Variants in EYA4 observed in about 807,000 individuals in gnomAD.
EYA4 encodes the protein EYA transcriptional coactivator and phosphatase 4.
In EYA4, 31 loss-of-function variants were observed where a neutral mutation model predicts 87.9. That is an observed-to-expected ratio of 0.35 (90% confidence interval 0.27 to 0.48). The LOEUF is 0.48. EYA4 is among the 20% of genes least tolerant of loss of function. The pLI is 0.99. For synonymous variants in EYA4, 263 were observed against 270.6 expected, an observed-to-expected ratio of 0.97 and a Z score of 0.28; for missense variants, 678 against 761.4, an observed-to-expected ratio of 0.89 and a Z score of 1.29.
chr6:133,475,672 C>T (rs1795658354), intron 11 of EYA4, among the ~76,000 whole-genome samples: 1 of 152,076 alleles, frequency 6.6e-6, no homozygotes, highest in Non-Finnish European at 1.5e-5. Flanking sequence ...TTTACATTTT[C>T]CCTACCTGTG....
At chr6:133,519,373 G>A (rs965352884) in intron 17 of EYA4, among the ~76,000 whole-genome samples, 13 of 151,848 alleles carry the variant, frequency 8.6e-5, no homozygotes, top group Admixed American at 2.6e-4. Flanking sequence ...ACACCTCTAC[G>A]CAAATAAACT....
intron 2 of EYA4, chr6:133,363,248 G>C (rs568013630): frequency 1.3e-5 from 2 of 152,238 alleles, no homozygotes. Flanking sequence ...AGGAAGAGTT[G>C]CAAGTACAGA....
intron 3 of EYA4, among the ~76,000 whole-genome samples, chr6:133,420,204 C>A (rs567048339): frequency 6.3e-4 from 95 of 150,640 alleles, no homozygotes; most frequent in African/African-American, 2.2e-3. Flanking sequence ...AGTGAATATG[C>A]ATTCATATTC....
chr6:133,273,204 C>T (rs1246853848), intron 1 of EYA4, among the ~76,000 whole-genome samples: 7 of 151,418 alleles, frequency 4.6e-5, no homozygotes, highest in South Asian at 2.1e-4. Context: ...AGAGCCAGTC[C>T]GATTCCCCAA....
chr6:133,494,276 G>T (rs76692301), intron 13 of EYA4, among the ~76,000 whole-genome samples: 188 of 152,246 alleles, frequency 1.2e-3, no homozygotes, highest in Non-Finnish European at 2.4e-3. Flanking sequence ...TAGCAACATG[G>T]ATGGAACTGG....
intron 2 of EYA4, among the ~76,000 whole-genome samples, chr6:133,358,910 C>G (rs981903275): frequency 6.6e-5 from 10 of 152,116 alleles, no homozygotes; most frequent in South Asian, 4.1e-4. Flanking sequence ...CAGGAAAGCT[C>G]TCTCTGAGAA....
chr6:133,437,216 T>G (rs886212848), intron 3 of EYA4, among the ~76,000 whole-genome samples: 1 of 152,230 alleles, frequency 6.6e-6, no homozygotes, highest in African/African-American at 2.4e-5. Flanking sequence ...TTAAATATTA[T>G]GAGCAGTGTA....
intron 2 of EYA4, among the ~76,000 whole-genome samples, chr6:133,315,686 A>T (rs1780570005): frequency 6.6e-6 from 1 of 152,194 alleles, no homozygotes. Flanking sequence ...GTAAAAATGT[A>T]AACCACGGAG....
chr6:133,316,017 G>C (rs1430972297), intron 2 of EYA4, among the ~76,000 whole-genome samples: 1 of 152,114 alleles, frequency 6.6e-6, no homozygotes, highest in Admixed American at 6.6e-5. Flanking sequence ...AAGCACTTCT[G>C]CTTTCCCGTA....
intron 2 of EYA4, among the ~76,000 whole-genome samples, chr6:133,374,054 A>C (rs1785480865): frequency 6.6e-6 from 1 of 152,108 alleles, no homozygotes; most frequent in Non-Finnish European, 1.5e-5. Flanking sequence ...CATTTATGGC[A>C]GGTGAAAAAG....
At chr6:133,511,629 C>T (rs1032825696) in intron 14 of EYA4, 1 of 151,936 alleles carries the variant, frequency 6.6e-6, no homozygotes, top group African/African-American at 2.4e-5. Context: ...GGATCAAATC[C>T]TTATCCACAT....
intron 3 of EYA4, among the ~76,000 whole-genome samples, chr6:133,397,599 G>T (rs1583170918): frequency 6.6e-6 from 1 of 152,158 alleles, no homozygotes; most frequent in Non-Finnish European, 1.5e-5. Context: ...TCTAAACAGG[G>T]TTTGGAAAAT....
intron 14 of EYA4, among the ~76,000 whole-genome samples, chr6:133,509,929 T>C (rs939973970): frequency 6.6e-6 from 1 of 152,186 alleles, no homozygotes; most frequent in Non-Finnish European, 1.5e-5. Context: ...TTTCTAAAAA[T>C]GTAAATAATG....
chr6:133,247,118 A>G (rs1359173994), intron 1 of EYA4: 1 of 152,260 alleles, frequency 6.6e-6, no homozygotes, highest in African/African-American at 2.4e-5. Flanking sequence ...GTTTGAGACA[A>G]GACCAAACAA....
intron 2 of EYA4, among the ~76,000 whole-genome samples, chr6:133,352,048 A>T (rs1783684214): frequency 6.6e-6 from 1 of 151,786 alleles, no homozygotes; most frequent in South Asian, 2.1e-4. Flanking sequence ...TTTGGTACTT[A>T]TTCTTGAACT....
chr6:133,259,948 T>C (rs1775661181), intron 1 of EYA4, among the ~76,000 whole-genome samples: 1 of 152,232 alleles, frequency 6.6e-6, no homozygotes, highest in South Asian at 2.1e-4. Flanking sequence ...CAGATTTACC[T>C]TGTAGTTCAT....
chr6:133,408,157 A>G (rs905455875), intron 3 of EYA4, among the ~76,000 whole-genome samples: 1 of 152,210 alleles, frequency 6.6e-6, no homozygotes, highest in Non-Finnish European at 1.5e-5. Context: ...AAACACATCA[A>G]TCATTTTACA....
At chr6:133,364,762 G>A (rs1477090850) in intron 2 of EYA4, among the ~76,000 whole-genome samples, 1 of 152,118 alleles carries the variant, frequency 6.6e-6, no homozygotes, top group Non-Finnish European at 1.5e-5. Context: ...GTCTTTCCAT[G>A]CTCCCTACAG....
chr6:133,474,576 A>G (rs538885838), intron 11 of EYA4, among the ~76,000 whole-genome samples: 52 of 152,228 alleles, frequency 3.4e-4, no homozygotes, highest in African/African-American at 1.2e-3. Flanking sequence ...TAAAGAAGGA[A>G]TTAATTCTAC....
Sources: allele counts gnomAD v4.1 joint callset (sites outside exome capture counted in the v4.1 genomes callset), GRCh38; gene constraint gnomAD v4.1.1; transcripts MANE v1.5; gene names NCBI Gene and HGNC (gene_info 2026-07-23, HGNC 2026-07-21).